ATXN1: variants seen among roughly 807,000 people sequenced by gnomAD.
ATXN1 encodes the protein ataxin 1, also known as ataxin-1.
Under a neutral mutation model 56.4 loss-of-function variants are expected in ATXN1, and 8 were observed. That is an observed-to-expected ratio of 0.14 (90% CI 0.08 to 0.26). The LOEUF (loss-of-function observed/expected upper bound fraction) is 0.26, where lower values mean the gene tolerates loss of function less well. Ranked by LOEUF, ATXN1 falls within the 10% of genes least tolerant of loss-of-function variation. The pLI is 1.00. For missense variants in ATXN1, 987 were observed against 1,106.5 expected (o/e 0.89, Z 1.53); for synonymous variants, 514 against 494.6 (o/e 1.04, Z -0.52).
chr6:16,694,583 TA>T (rs1172132247), intron 2 of ATXN1, among the ~76,000 whole-genome samples: 1 of 152,254 alleles, frequency 6.6e-6, no homozygotes, highest in Non-Finnish European at 1.5e-5. Flanking sequence ...TTACTTTGTT[TA>T]AATTATTTCA....
At chr6:16,456,533 G>A (rs914633705) in intron 6 of ATXN1, among the ~76,000 whole-genome samples, 6 of 152,220 alleles carry the variant, frequency 3.9e-5, no homozygotes, top group Admixed American at 2.6e-4. Flanking sequence ...GGTCGACAGA[G>A]AGGAAAGCCA....
At chr6:16,343,946 C>T (rs1367330918) in intron 6 of ATXN1, among the ~76,000 whole-genome samples, 1 of 152,194 alleles carries the variant, frequency 6.6e-6, no homozygotes, top group African/African-American at 2.4e-5. Flanking sequence ...CACCAGCCAC[C>T]GCTCCTCCGC....
intron 4 of ATXN1, among the ~76,000 whole-genome samples, chr6:16,555,248 C>A (rs1211159908): frequency 1.3e-5 from 2 of 152,202 alleles, no homozygotes; most frequent in Non-Finnish European, 2.9e-5. Context: ...CTGTGCTCCA[C>A]TTACAAACAC....
intron 6 of ATXN1, among the ~76,000 whole-genome samples, chr6:16,422,371 T>C (rs866583354): frequency 2.6e-5 from 4 of 152,206 alleles, no homozygotes; most frequent in South Asian, 4.1e-4. Flanking sequence ...GTAGTTCCCA[T>C]TCTCTCTCCT....
chr6:16,458,840 G>T (rs887728806), intron 6 of ATXN1, among the ~76,000 whole-genome samples: 25 of 152,346 alleles, frequency 1.6e-4, no homozygotes, highest in African/African-American at 5.5e-4. Flanking sequence ...CGGGCCAGAA[G>T]CCCCCAACCA....
intron 2 of ATXN1, among the ~76,000 whole-genome samples, chr6:16,745,245 T>G (rs1760484553): frequency 6.6e-6 from 1 of 152,218 alleles, no homozygotes; most frequent in African/African-American, 2.4e-5. Flanking sequence ...AACTTAGTAT[T>G]GAGCCTTCTG....
intron 2 of ATXN1, among the ~76,000 whole-genome samples, chr6:16,731,961 C>T (rs750659421): frequency 6.6e-6 from 1 of 152,122 alleles, no homozygotes; most frequent in Admixed American, 6.6e-5. Flanking sequence ...ATAGTAATAG[C>T]TGTCACAGAA....
intron 2 of ATXN1, among the ~76,000 whole-genome samples, chr6:16,740,073 A>G (rs1760278861): frequency 6.6e-6 from 1 of 152,212 alleles, no homozygotes; most frequent in African/African-American, 2.4e-5. Flanking sequence ...AGTTTCACTA[A>G]TGAGGTTTCC....
Position 16,673,032 on chromosome 6 carries a change from A to AAAG in ATXN1, c.-614-15132_-614-15131insCTT, listed in dbSNP as rs1346646030. On this transcript the variant is annotated intron_variant, in intron 2 of 7. Transcript: ENST00000436367. Reference sequence around the variant, plus strand: ...CGTTCCCCCCCGCCAAAAAAAAAAAAAAAAGAAAAGAAAAGAAAGAAAACG... The same window carrying AAAG: ...CGTTCCCCCCCGCCAAAAAAAAAAAAAAGAAAAGAAAAGAAAAGAAAGAAAACG... Among the ~76,000 whole-genome samples the AAAG allele has an allele frequency of 2.9e-4, 44 of 151,516 alleles. No homozygotes were observed. The Middle Eastern group carries it at 0.01, about 35-fold the overall frequency.
Position 16,306,676 on chromosome 6 carries a change from C to G in ATXN1, c.2101G>C (p.Val701Leu). The change falls in exon 8 of 8, where the codon GTG (valine) becomes CTG (leucine). Residue 701 changes from valine to leucine, a missense_variant. Transcript: ENST00000436367. This position sits in a 1 kb window ranked among gnomAD's most constrained non-coding sequence, Gnocchi z 5.2. ...KNGSVKKGQP[V>L]DPASVLLKHS... ...TTCAGCAGGACGCTGGCGGGATCCA[C>G]GGGCTGGCCCTTTTTAACAGAGCCG... 1 of 1,614,192 alleles carries G rather than the reference C, an allele frequency of 6.2e-7. No individual in the cohort carries two copies. The highest frequency in any genetic ancestry group is 8.5e-7 in the Non-Finnish European group (1 of 1,180,032).
intron 4 of ATXN1, among the ~76,000 whole-genome samples, chr6:16,570,153 C>A (rs900709542): frequency 6.6e-6 from 1 of 152,232 alleles, no homozygotes; most frequent in African/African-American, 2.4e-5. Flanking sequence ...TTTACATTCA[C>A]CTGCCCTGGA....
chr6:16,596,583 A>T (rs919249756), intron 3 of ATXN1, among the ~76,000 whole-genome samples: 1 of 152,232 alleles, frequency 6.6e-6, no homozygotes, highest in Admixed American at 6.5e-5. Flanking sequence ...TGGGCATTTT[A>T]TCCAGTGACT....
intron 6 of ATXN1, among the ~76,000 whole-genome samples, chr6:16,408,715 C>T (rs1376178422): frequency 1.3e-5 from 2 of 152,162 alleles, no homozygotes; most frequent in African/African-American, 4.8e-5. Context: ...TGAAGTAGAA[C>T]TTGAACCCAA....
At chr6:16,419,735 C>T (rs955921400) in intron 6 of ATXN1, among the ~76,000 whole-genome samples, 1 of 152,060 alleles carries the variant, frequency 6.6e-6, no homozygotes, top group South Asian at 2.1e-4. Context: ...TGAGTGGCTG[C>T]CCGGGTCTGC....
intron 3 of ATXN1, among the ~76,000 whole-genome samples, chr6:16,655,194 G>A (rs944998684): frequency 5.9e-5 from 9 of 152,140 alleles, no homozygotes; most frequent in African/African-American, 2.2e-4. Flanking sequence ...ACAAAGGACA[G>A]TATTTCAAAA....
intron 6 of ATXN1, among the ~76,000 whole-genome samples, chr6:16,395,349 C>A (rs1340835309): frequency 6.6e-6 from 1 of 150,634 alleles, no homozygotes; most frequent in South Asian, 2.1e-4. Flanking sequence ...TTACTATTAT[C>A]TGTATGACTG....
intron 2 of ATXN1, among the ~76,000 whole-genome samples, chr6:16,710,048 G>C (rs1447487566): frequency 6.6e-6 from 1 of 152,062 alleles, no homozygotes; most frequent in African/African-American, 2.4e-5. Context: ...AAAGAGAATA[G>C]AAGGAAACTT....
chr6:16,549,476 C>T (rs559051135), intron 4 of ATXN1, among the ~76,000 whole-genome samples: 4 of 152,262 alleles, frequency 2.6e-5, no homozygotes, highest in Non-Finnish European at 4.4e-5. Context: ...TGTCGTTATG[C>T]GGCACATGGC....
chr6:16,472,891 C>G (rs192262503), intron 6 of ATXN1, among the ~76,000 whole-genome samples: 1 of 152,200 alleles, frequency 6.6e-6, no homozygotes, highest in Non-Finnish European at 1.5e-5. Context: ...ATCAGTCAGT[C>G]TGTTCGAACT....
Sources: gnomAD v4.1 joint callset for allele counts (sites outside exome capture counted in the v4.1 genomes callset) on GRCh38, gnomAD v4.1.1 for gene constraint, Gnocchi (gnomAD v3.1) non-coding constraint, MANE v1.5 for transcripts, NCBI Gene and HGNC (gene_info 2026-07-23, HGNC 2026-07-21) for gene names.